The following ADAM32 variants were observed in gnomAD, a reference collection of about 807,000 sequenced individuals.
The protein encoded by ADAM32 is ADAM metallopeptidase domain 32.
ADAM32 carries 89 observed loss-of-function variants against 114.9 expected under a neutral mutation model. The ratio of observed to expected loss-of-function variants is 0.77; its 90% CI spans 0.65 to 0.92. The LOEUF (loss-of-function observed/expected upper bound fraction) is 0.92, where lower values mean the gene tolerates loss of function less well. Among genes scored for constraint, ADAM32 ranks in the 40% least tolerant of loss-of-function variants. The probability of loss-of-function intolerance (pLI) is 0.00; values close to 1 mark genes in which losing one functional copy is unlikely to be tolerated. For missense variants in ADAM32, 870 were observed against 932.8 expected (o/e 0.93, Z 0.88); for synonymous variants, 285 against 307.5 (o/e 0.93, Z 0.77).
At chr8:39,253,772 A>C (rs1193465586) in intron 17 of ADAM32, among the ~76,000 whole-genome samples, 2 of 151,726 alleles carry the variant, frequency 1.3e-5, no homozygotes, top group Non-Finnish European at 1.5e-5. Flanking sequence ...AAAGAGACAC[A>C]AAAAATTGAA....
At chr8:39,112,395 A>T (rs770471229) in intron 1 of ADAM32, among the ~76,000 whole-genome samples, 8 of 152,122 alleles carry the variant, frequency 5.3e-5, no homozygotes, top group African/African-American at 9.7e-5. Context: ...TGATTTTTGT[A>T]CTAAGTTTAT....
At chr8:39,263,484 G>A (rs982807732) in intron 19 of ADAM32, among the ~76,000 whole-genome samples, 2 of 152,078 alleles carry the variant, frequency 1.3e-5, no homozygotes, top group Non-Finnish European at 2.9e-5. Context: ...TGTGGTGGTG[G>A]TTGTTCTCTA....
chr8:39,154,033 C>CATATATATATATAT (rs59934573), intron 6 of ADAM32, among the ~76,000 whole-genome samples: 10,218 of 139,092 alleles, frequency 0.073, 488 homozygotes, highest in South Asian at 0.17. Flanking sequence ...GAAAGTTCCT[C>CATATATATATATAT]ATATATATAT....
chr8:39,179,844 C>T (rs1195354635), intron 10 of ADAM32, among the ~76,000 whole-genome samples: 1 of 152,216 alleles, frequency 6.6e-6, no homozygotes, highest in Non-Finnish European at 1.5e-5. Context: ...GTTTTCATTC[C>T]TTTCCATGAG....
At chr8:39,241,348 C>A (rs566382392) in intron 16 of ADAM32, among the ~76,000 whole-genome samples, 2 of 152,322 alleles carry the variant, frequency 1.3e-5, no homozygotes, top group South Asian at 4.1e-4. Flanking sequence ...AGGATGGTGG[C>A]CCTCTTCTCA....
intron 23 of ADAM32, 83 bp from the exon 24 acceptor site, chr8:39,283,503 A>C (rs1311873016): frequency 8.9e-7 from 1 of 1,123,100 alleles, no homozygotes; most frequent in Admixed American, 2.6e-5. Flanking sequence ...AAGAGGAAGA[A>C]ATTGCCATAA....
rs137990464 is a variant in ADAM32, at chr8:39,143,287, A to T, written c.201-3843A>T. 9.7e-3 allele frequency among the ~76,000 whole-genome samples: 1,466 copies of T among 151,916 alleles called. 11 individuals carry two copies. Among genetic ancestry groups the T allele is most frequent in the South Asian group, 0.033 (157 of 4,796 alleles). ...TGTTATTCTTTGGAGGAGAAGAGGC[A>T]CTCTGTTTTTTTGGAATTTTCAGCT... is the stretch of plus-strand genomic sequence containing the variant. On this transcript the variant is annotated intron_variant, in intron 3 of 24. Coordinates refer to ENST00000379907, the MANE Select transcript of ADAM32 (RefSeq NM_145004.7).
At chr8:39,233,428 C>A (rs992277655) in intron 15 of ADAM32, among the ~76,000 whole-genome samples, 3 of 152,136 alleles carry the variant, frequency 2.0e-5, no homozygotes, top group Admixed American at 1.3e-4. Flanking sequence ...TATCTTTTAG[C>A]ATGCTAATGC....
chr8:39,251,930 C>G (rs2129450378), intron 17 of ADAM32, among the ~76,000 whole-genome samples: 1 of 151,870 alleles, frequency 6.6e-6, no homozygotes, highest in African/African-American at 2.4e-5. Context: ...TATTCTTCTG[C>G]ATATGGTTAT....
intron 2 of ADAM32, among the ~76,000 whole-genome samples, chr8:39,135,426 A>G (rs1482533697): frequency 6.6e-6 from 1 of 152,212 alleles, no homozygotes; most frequent in African/African-American, 2.4e-5. Context: ...TTAGATATAC[A>G]GAAAAATTGC....
intron 10 of ADAM32, among the ~76,000 whole-genome samples, chr8:39,183,906 C>T (rs1279384412): frequency 6.6e-6 from 1 of 152,238 alleles, no homozygotes; most frequent in Non-Finnish European, 1.5e-5. Context: ...TTCAGAATCA[C>T]TGCAGACAGG....
At chr8:39,131,383 T>C (rs1802447207) in intron 2 of ADAM32, among the ~76,000 whole-genome samples, 1 of 152,144 alleles carries the variant, frequency 6.6e-6, no homozygotes, top group South Asian at 2.1e-4. Context: ...CTCAGCTACC[T>C]GGGAGGCTGA....
chr8:39,138,696 G>T (rs1354382892), intron 3 of ADAM32, among the ~76,000 whole-genome samples: 2 of 152,120 alleles, frequency 1.3e-5, no homozygotes, highest in African/African-American at 4.8e-5. Context: ...CCAAGTAATG[G>T]GATCGCTGGG....
At chr8:39,183,384 A>G (rs181002943) in intron 10 of ADAM32, among the ~76,000 whole-genome samples, 95 of 152,260 alleles carry the variant, frequency 6.2e-4, no homozygotes, top group African/African-American at 2.2e-3. Context: ...GTCTGCCTCT[A>G]ATTCACCCCT....
At position 39,119,515 on chromosome 8, in the gene ADAM32, T is replaced by C. The variant is rs1479866653; in HGVS notation, c.138+1350T>C. Among the ~76,000 whole-genome samples the C allele has an allele frequency of 2.0e-5, 3 of 152,228 alleles. No individual in the cohort carries two copies. In the East Asian group the frequency reaches 5.8e-4, roughly 29 times the overall value. ...CTAATAGCCATTTATATGCCTTTTCTGTGGAATGTCTACTCAAATTATTCT... is the reference window on the plus strand; with the variant it reads ...CTAATAGCCATTTATATGCCTTTTCCGTGGAATGTCTACTCAAATTATTCT... On this transcript the variant is annotated intron_variant, in intron 2 of 24. Transcript: ENST00000379907.
intron 19 of ADAM32, among the ~76,000 whole-genome samples, chr8:39,261,096 C>G (rs574261374): frequency 6.6e-6 from 1 of 152,038 alleles, no homozygotes; most frequent in African/African-American, 2.4e-5. Context: ...CTCCTTCTAG[C>G]TATTTGAAAC....
chr8:39,229,468 A>G (rs1471785109), intron 14 of ADAM32, among the ~76,000 whole-genome samples: 1 of 152,196 alleles, frequency 6.6e-6, no homozygotes, highest in Admixed American at 6.5e-5. Flanking sequence ...CTAACACATA[A>G]GAACTCATAT....
rs553792532 is a variant in ADAM32 at position 39,120,483 on chromosome 8, C to T, written c.138+2318C>T. On this transcript the variant is annotated intron_variant, in intron 2 of 24. Coordinates refer to ENST00000379907, the MANE Select transcript of ADAM32 (RefSeq NM_145004.7). The stretch of plus-strand genomic sequence containing the variant: ...ATGAACATTAAAGGTGTTCCTGGGC[C>T]GGGCACGGTGGCTCACACCTGTAAT... 4.6e-4 allele frequency among the ~76,000 whole-genome samples: 70 copies of T among 152,082 alleles called. 1 individual carries two copies. In the South Asian group the frequency reaches 6.0e-3, roughly 13 times the overall value.
chr8:39,260,329 A>G (rs1041608406), intron 19 of ADAM32, among the ~76,000 whole-genome samples: 1 of 152,046 alleles, frequency 6.6e-6, no homozygotes, highest in African/African-American at 2.4e-5. Flanking sequence ...TTTCTTGTCT[A>G]ATTCCTGTGG....
Sources: gnomAD v4.1 joint callset for allele counts (sites outside exome capture counted in the v4.1 genomes callset) on GRCh38, gnomAD v4.1.1 for gene constraint, MANE v1.5 for transcripts, NCBI Gene and HGNC (gene_info 2026-07-23, HGNC 2026-07-21) for gene names.